Variants in EFR3B observed in about 807,000 individuals in gnomAD.
EFR3B encodes protein EFR3 homolog B.
EFR3B carries 64 observed loss-of-function variants against 104.7 expected under a neutral mutation model. That is an observed-to-expected ratio of 0.61 (90% CI 0.50 to 0.75). The LOEUF (loss-of-function observed/expected upper bound fraction) is 0.75. Among genes scored for constraint, EFR3B ranks in the 30% least tolerant of loss-of-function variants. EFR3B has a pLI of 0.00. For synonymous variants in EFR3B, 385 were observed against 417.9 expected (o/e 0.92, Z 0.96); for missense variants, 750 against 1,078.5 (o/e 0.70, Z 4.27).
intron 1 of EFR3B, among the ~76,000 whole-genome samples, chr2:25,057,869 A>T (rs1668068001): frequency 6.6e-6 from 1 of 152,182 alleles, no homozygotes; most frequent in African/African-American, 2.4e-5. Flanking sequence ...CAACAGTGAA[A>T]AGGCAACCTA....
rs554689341 is a variant in EFR3B at position 25,134,050 on chromosome 2, C to T, written c.1311+616C>T. On this transcript the variant is annotated intron_variant, in intron 12 of 22. Coordinates refer to ENST00000403714, the MANE Select transcript of EFR3B (RefSeq NM_014971.2). ...TCCCCAGGTATTCTGAAGCACAACCCCTGGCCTAAACCTGACATCTCACAA... is the reference window on the plus strand; with the variant it reads ...TCCCCAGGTATTCTGAAGCACAACCTCTGGCCTAAACCTGACATCTCACAA... Among the ~76,000 whole-genome samples, 6 of 152,288 alleles carry T rather than the reference C, an allele frequency of 3.9e-5. No homozygotes were observed. In the South Asian group the frequency reaches 6.2e-4, roughly 16 times the overall value.
At chr2:25,144,265 G>A (rs1670755115) in intron 18 of EFR3B, among the ~76,000 whole-genome samples, 1 of 152,192 alleles carries the variant, frequency 6.6e-6, no homozygotes, top group Non-Finnish European at 1.5e-5. Context: ...GCTGCCTGCT[G>A]GGTGCAGAGG....
At position 25,131,250 on chromosome 2, in the gene EFR3B, C is replaced by A; in HGVS notation, c.850-118C>A. ...CGAGGTGTCAGTGCCAACTGCAGTG[C>A]CCGGGGCCTTGGAACGTCCCTTTAG... On this transcript the variant is annotated intron_variant, in intron 8 of 22. Coordinates refer to ENST00000403714, the MANE Select transcript of EFR3B (RefSeq NM_014971.2). This position sits in a 1 kb window ranked among gnomAD's most constrained non-coding sequence, Gnocchi z 7.6. The A allele has an allele frequency of 7.3e-7, 1 of 1,374,774 alleles. No individual in the cohort carries two copies. The highest frequency in any genetic ancestry group is 9.8e-7 in the Non-Finnish European group (1 of 1,025,472). The allele number at this position is 1,374,774 out of a possible 1,614,324, so 85.2% of individuals were successfully genotyped here.
intron 5 of EFR3B, among the ~76,000 whole-genome samples, chr2:25,124,064 TCTTC>T (rs1670094205): frequency 6.6e-6 from 1 of 152,188 alleles, no homozygotes; most frequent in African/African-American, 2.4e-5. Flanking sequence ...CTTGCCTTTC[TCTTC>T]CGTCCCCTCC....
At chr2:25,078,532 C>T (rs1668697243) in intron 1 of EFR3B, among the ~76,000 whole-genome samples, 1 of 152,130 alleles carries the variant, frequency 6.6e-6, no homozygotes, top group Non-Finnish European at 1.5e-5. Context: ...GAGGTGACTT[C>T]CCTGAGTCTC....
At chr2:25,074,763 G>A (rs1489370411) in intron 1 of EFR3B, among the ~76,000 whole-genome samples, 1 of 151,436 alleles carries the variant, frequency 6.6e-6, no homozygotes, top group Non-Finnish European at 1.5e-5. Flanking sequence ...GACTACAGGT[G>A]CATGCACCAC....
chr2:25,157,038 A>AC lies in EFR3B; in HGVS notation c.*2698_*2699insC, dbSNP rs1671188635. On this transcript the variant is annotated 3_prime_UTR_variant, in exon 23 of 23. Transcript: ENST00000403714. ...TCCAGAGCCAGCATTAGAACCTGAG[A>AC]TCCCCAGATGTTTCTGCCCCTCATC... 1.3e-5 allele frequency: 2 copies of AC among 151,970 alleles called. No homozygotes were observed. The highest frequency in any genetic ancestry group is 1.5e-5 in the Non-Finnish European group (1 of 68,024). The allele number at this position is 151,970 out of a possible 1,614,324, so 9.4% of individuals were successfully genotyped here. A position where few individuals can be genotyped will look rare whatever the true frequency, so the allele number is the denominator to read the frequency against.
chr2:25,108,686 T>C (rs1669633095), intron 4 of EFR3B, among the ~76,000 whole-genome samples: 1 of 152,206 alleles, frequency 6.6e-6, no homozygotes, highest in South Asian at 2.1e-4. Context: ...ACAACATAGA[T>C]AAATTGGACT....
intron 1 of EFR3B, among the ~76,000 whole-genome samples, chr2:25,069,785 C>T (rs1668442628): frequency 6.6e-6 from 1 of 152,234 alleles, no homozygotes; most frequent in Non-Finnish European, 1.5e-5. Context: ...CAACCTCTGC[C>T]TCCCGGGTTC....
In EFR3B at chr2:25,080,725, G is replaced by C; in HGVS notation, c.8-10600G>C. 3 of 1,125,690 alleles carry C rather than the reference G, an allele frequency of 2.7e-6. No individual in the cohort carries two copies. The South Asian group carries it at 4.2e-5, about 16-fold the overall frequency. The allele number at this position is 1,125,690 out of a possible 1,614,324, so 69.7% of individuals were successfully genotyped here. On this transcript the variant is annotated intron_variant, in intron 1 of 22. Coordinates refer to ENST00000403714, the MANE Select transcript of EFR3B (RefSeq NM_014971.2). ...GTCTTTGTCATTTTCATCTTCTTGG[G>C]TTCAGTCCTGTAGATCAAAGATTTT...
rs563438610 is a variant in EFR3B, at chr2:25,080,283, C to CTTTTTTTTTTTTTT, written c.8-11027_8-11014dup. Reference sequence around the variant, plus strand: ...AGCTGGCTGGAGTCCCTCCCCAAAGCTTTTTTTTTTTTTTTTTTTTTTTTT... The same window carrying CTTTTTTTTTTTTTT: ...AGCTGGCTGGAGTCCCTCCCCAAAGCTTTTTTTTTTTTTTTTTTTTTTTTTTTTTTTTTTTTTTT... On this transcript the variant is annotated intron_variant, in intron 1 of 22. Coordinates refer to ENST00000403714, the MANE Select transcript of EFR3B (RefSeq NM_014971.2). The CTTTTTTTTTTTTTT allele has an allele frequency of 2.9e-3, 446 of 154,956 alleles. 74 individuals carry two copies. Among genetic ancestry groups the CTTTTTTTTTTTTTT allele is most frequent in the African/African-American group, 0.024 (185 of 7,614 alleles). 9.6% of individuals were successfully genotyped at this position (154,956 alleles called of 1,614,324 possible).
At chr2:25,085,055 A>C (rs1182381986) in intron 1 of EFR3B, among the ~76,000 whole-genome samples, 1 of 152,200 alleles carries the variant, frequency 6.6e-6, no homozygotes, top group Non-Finnish European at 1.5e-5. Context: ...ACAAGGAATA[A>C]GGCACCTACT....
chr2:25,072,075 G>A (rs1668514096), intron 1 of EFR3B, among the ~76,000 whole-genome samples: 1 of 152,198 alleles, frequency 6.6e-6, no homozygotes, highest in Non-Finnish European at 1.5e-5. Context: ...GGTGGAATGA[G>A]TTTCTAATCC....
intron 2 of EFR3B, among the ~76,000 whole-genome samples, chr2:25,092,251 G>A (rs1669146123): frequency 6.6e-6 from 1 of 150,764 alleles, no homozygotes; most frequent in Non-Finnish European, 1.5e-5. Flanking sequence ...TGTACTTTTA[G>A]CAGAGACGGG....
At chr2:25,057,783 C>CAAA (rs11378748) in intron 1 of EFR3B, among the ~76,000 whole-genome samples, 51 of 138,640 alleles carry the variant, frequency 3.7e-4, no homozygotes, top group Middle Eastern at 3.6e-3. Flanking sequence ...AAAACTCCGT[C>CAAA]AAAAAAAAAA....
rs770224038 is a variant in EFR3B, at chr2:25,114,715, C to T, written c.364-6958C>T. 6.6e-6 allele frequency among the ~76,000 whole-genome samples: 1 copy of T among 152,216 alleles called. No homozygotes were observed. The highest frequency in any genetic ancestry group is 1.5e-5 in the Non-Finnish European group (1 of 68,036). On this transcript the variant is annotated intron_variant, in intron 4 of 22. Coordinates refer to ENST00000403714, the MANE Select transcript of EFR3B (RefSeq NM_014971.2). The surrounding 1 kb of genome is among the most constrained non-coding windows in gnomAD (Gnocchi z 4.0). ...TGGCTGTCCATCCATCCAGCCTTGA[C>T]GGACCTCCCTGACCAAGAACATGCT... is the stretch of plus-strand genomic sequence containing the variant.
chr2:25,057,243 T>C (rs1231178339), intron 1 of EFR3B, among the ~76,000 whole-genome samples: 4 of 152,150 alleles, frequency 2.6e-5, no homozygotes, highest in Non-Finnish European at 5.9e-5. Flanking sequence ...TAGGGGTAGG[T>C]AGGAGCCATG....
intron 4 of EFR3B, among the ~76,000 whole-genome samples, chr2:25,109,657 T>C (rs1287383442): frequency 2.6e-5 from 4 of 152,170 alleles, no homozygotes; most frequent in Non-Finnish European, 5.9e-5. Flanking sequence ...ATATGAGATA[T>C]TCAGTTAGGT....
At chr2:25,141,121 T>C (rs925905222) in intron 16 of EFR3B, among the ~76,000 whole-genome samples, 1 of 151,362 alleles carries the variant, frequency 6.6e-6, no homozygotes, top group Non-Finnish European at 1.5e-5. Context: ...GTTCCCTGCA[T>C]TGGAGGACAC....
Sources: allele counts gnomAD v4.1 joint callset (sites outside exome capture counted in the v4.1 genomes callset), GRCh38; gene constraint gnomAD v4.1.1; non-coding constraint Gnocchi (gnomAD v3.1); transcripts MANE v1.5; gene names NCBI Gene and HGNC (gene_info 2026-07-23, HGNC 2026-07-21).